Variants in MED27 observed in about 807,000 individuals in gnomAD.
MED27 encodes mediator complex subunit 27.
Under a neutral mutation model 38.2 loss-of-function variants are expected in MED27, and 30 were observed. The ratio of observed to expected loss-of-function variants is 0.79; its 90% CI spans 0.59 to 1.07. The LOEUF is 1.07. MED27 is among the 50% of genes least tolerant of loss of function. The pLI is 0.00. For missense variants in MED27, 289 were observed against 397.5 expected, an observed-to-expected ratio of 0.73 and a Z score of 2.32; for synonymous variants, 122 against 153.5, an observed-to-expected ratio of 0.79 and a Z score of 1.52.
chr9:132,079,766 T>TG lies in MED27; in HGVS notation c.78dup (p.Ser27GlnfsTer43), dbSNP rs1834134242. On this transcript the variant is annotated frameshift_variant, in exon 1 of 8. Coordinates refer to ENST00000292035, the MANE Select transcript of MED27 (RefSeq NM_004269.4). LOFTEE classifies it high-confidence loss of function. ...AGGCAGTCGAACACCCTGCTCACGC[T>TG]GGAGCGCAGCGCCTGGATGGCACTA... is the stretch of plus-strand genomic sequence containing the variant. 1 of 1,614,040 alleles carries TG rather than the reference T, an allele frequency of 6.2e-7. No homozygotes were observed. The highest frequency in any genetic ancestry group is 1.3e-5 in the African/African-American group (1 of 74,934).
intron 3 of MED27, among the ~76,000 whole-genome samples, chr9:131,984,380 T>C (rs1831805561): frequency 6.6e-6 from 1 of 152,142 alleles, no homozygotes; most frequent in Admixed American, 6.5e-5. Context: ...TGCCTGCCAT[T>C]TAGCAGGCAC....
intron 2 of MED27, among the ~76,000 whole-genome samples, chr9:132,071,021 T>C (rs1162665821): frequency 1.3e-5 from 2 of 152,188 alleles, no homozygotes; most frequent in Non-Finnish European, 2.9e-5. Context: ...GGGCCACCAC[T>C]GCCTGGAACC....
chr9:131,956,749 AATAAAGGAAAATC>A (rs1447402627), intron 3 of MED27, among the ~76,000 whole-genome samples: 1 of 152,162 alleles, frequency 6.6e-6, no homozygotes, highest in African/African-American at 2.4e-5. Flanking sequence ...ACCATATTAA[AATAAAGGAAAATC>A]ATTTGATCAC....
At chr9:132,028,594 G>A (rs78190639) in intron 2 of MED27, among the ~76,000 whole-genome samples, 4,320 of 152,106 alleles carry the variant, frequency 0.028, 198 homozygotes, top group African/African-American at 0.093. Context: ...CAAATGACAA[G>A]TCCCAATGCT....
chr9:132,043,830 G>A (rs1220289741), intron 2 of MED27, among the ~76,000 whole-genome samples: 1 of 152,134 alleles, frequency 6.6e-6, no homozygotes, highest in Non-Finnish European at 1.5e-5. Context: ...AAGGGCAATG[G>A]CATGAACTTA....
intron 2 of MED27, 57 bp from the exon 3 acceptor site, chr9:132,014,524 C>A: frequency 6.4e-7 from 1 of 1,564,644 alleles, no homozygotes; most frequent in Non-Finnish European, 8.7e-7. Flanking sequence ...AAAAGTAGGA[C>A]AAATGGTATT....
intron 4 of MED27, among the ~76,000 whole-genome samples, chr9:131,894,244 G>A (rs1261371294): frequency 6.6e-6 from 1 of 152,166 alleles, no homozygotes; most frequent in African/African-American, 2.4e-5. Flanking sequence ...CAAACTCTGA[G>A]GATAAGTTTC....
chr9:131,873,089 A>G (rs1838864776), intron 6 of MED27, among the ~76,000 whole-genome samples: 1 of 152,254 alleles, frequency 6.6e-6, no homozygotes, highest in South Asian at 2.1e-4. Context: ...GATCAGCCCA[A>G]GAGTTTGGGT....
intron 5 of MED27, among the ~76,000 whole-genome samples, chr9:131,888,874 G>A (rs1839183369): frequency 6.6e-6 from 1 of 152,140 alleles, no homozygotes; most frequent in African/African-American, 2.4e-5. Context: ...CAGTGTTACA[G>A]GTCTATTATT....
chr9:131,981,180 T>C (rs1329814886), intron 3 of MED27, among the ~76,000 whole-genome samples: 1 of 152,256 alleles, frequency 6.6e-6, no homozygotes, highest in African/African-American at 2.4e-5. Context: ...TGTGACTATA[T>C]GAAACTTAAT....
At chr9:132,068,428 G>T (rs555454395) in intron 2 of MED27, among the ~76,000 whole-genome samples, 1 of 152,274 alleles carries the variant, frequency 6.6e-6, no homozygotes, top group Admixed American at 6.5e-5. Flanking sequence ...ACATTTTAAA[G>T]ATCCCTCGAG....
In MED27 at chr9:132,051,001, C is replaced by G. The variant is rs1216535351; in HGVS notation, c.348+26441G>C. Among the ~76,000 whole-genome samples, 1 of 152,178 alleles carries G rather than the reference C, an allele frequency of 6.6e-6. No homozygotes were observed. The highest frequency in any genetic ancestry group is 1.5e-5 in the Non-Finnish European group (1 of 68,024). On this transcript the variant is annotated intron_variant, in intron 2 of 7. Coordinates refer to ENST00000292035, the MANE Select transcript of MED27 (RefSeq NM_004269.4). The surrounding 1 kb of genome is among the most constrained non-coding windows in gnomAD (Gnocchi z 4.2). ...TCATGTTTCTCCAATCATCACTTGT[C>G]CAGGAAACCCTAGGCTCAACACATG...
chr9:131,915,349 T>TA lies in MED27; in HGVS notation c.574-21358dup, dbSNP rs536948562. Among the ~76,000 whole-genome samples the TA allele has an allele frequency of 3.9e-4, 60 of 152,318 alleles. 1 individual carries two copies. In the South Asian group the frequency reaches 0.012, roughly 31 times the overall value. ...ATTTGGCAAGTCTCACACATCTTTG[T>TA]AATTGAAAGAACTGGACATAGATGG... On this transcript the variant is annotated intron_variant, in intron 4 of 7. Coordinates refer to ENST00000292035, the MANE Select transcript of MED27 (RefSeq NM_004269.4).
At chr9:131,929,900 C>T (rs746135097) in intron 4 of MED27, among the ~76,000 whole-genome samples, 10 of 152,334 alleles carry the variant, frequency 6.6e-5, no homozygotes, top group South Asian at 6.2e-4. Context: ...TGAACATAGG[C>T]GTAGTGGTTA....
chr9:131,917,108 A>G lies in MED27; in HGVS notation c.573+22273T>C, dbSNP rs143687912. On this transcript the variant is annotated intron_variant, in intron 4 of 7. Transcript: ENST00000292035. The surrounding 1 kb of genome is among the most constrained non-coding windows in gnomAD (Gnocchi z 4.6). The stretch of plus-strand genomic sequence containing the variant: ...TCTTGTTCCTAAGGAGCCCCTGGAA[A>G]TGGGAAGGTATTTTTGCTTGTCACA... 6.6e-6 allele frequency among the ~76,000 whole-genome samples: 1 copy of G among 152,324 alleles called. No homozygotes were observed. The highest frequency in any genetic ancestry group is 2.4e-5 in the African/African-American group (1 of 41,576).
intron 3 of MED27, among the ~76,000 whole-genome samples, chr9:131,988,043 A>G: frequency 6.6e-6 from 1 of 152,260 alleles, no homozygotes; most frequent in East Asian, 1.9e-4. Flanking sequence ...TACAGTTTTT[A>G]AAAATGTGAG....
intron 4 of MED27, among the ~76,000 whole-genome samples, chr9:131,921,754 A>G (rs1830395784): frequency 6.6e-6 from 1 of 152,238 alleles, no homozygotes; most frequent in Admixed American, 6.5e-5. Context: ...TATTCACAAT[A>G]GCAAAGACTT....
intron 2 of MED27, among the ~76,000 whole-genome samples, chr9:132,019,524 A>C (rs1349162283): frequency 6.6e-6 from 1 of 152,192 alleles, no homozygotes; most frequent in Non-Finnish European, 1.5e-5. Flanking sequence ...AGCTCAAAAG[A>C]AAAGGGGTCC....
At chr9:131,935,731 C>T (rs1830669573) in intron 4 of MED27, among the ~76,000 whole-genome samples, 1 of 152,060 alleles carries the variant, frequency 6.6e-6, no homozygotes, top group Non-Finnish European at 1.5e-5. Context: ...TGGGGAGGAG[C>T]CATATTGTTT....
Sources: allele counts gnomAD v4.1 joint callset (sites outside exome capture counted in the v4.1 genomes callset), GRCh38; gene constraint gnomAD v4.1.1; non-coding constraint Gnocchi (gnomAD v3.1); transcripts MANE v1.5; gene names NCBI Gene and HGNC (gene_info 2026-07-23, HGNC 2026-07-21).